The following ATP1A3 variants were observed in gnomAD, a reference collection of about 807,000 sequenced individuals.
ATP1A3 encodes sodium/potassium-transporting ATPase subunit alpha-3.
Under a neutral mutation model 108.8 loss-of-function variants are expected in ATP1A3, and 12 were observed. The ratio of observed to expected loss-of-function variants is 0.11; its 90% CI spans 0.07 to 0.18. ATP1A3 has a LOEUF of 0.18. ATP1A3 is among the 10% of genes least tolerant of loss of function. ATP1A3 has a pLI of 1.00. For missense variants in ATP1A3, 498 were observed against 1,387.7 expected, an observed-to-expected ratio of 0.36 and a Z score of 10.19; for synonymous variants, 539 against 564.5, an observed-to-expected ratio of 0.95 and a Z score of 0.64.
chr19:41,967,569 G>A lies in ATP1A3; in HGVS notation c.2921+93C>T. 1.5e-6 allele frequency: 2 copies of A among 1,371,348 alleles called. No individual in the cohort carries two copies. Among genetic ancestry groups the A allele is most frequent in the Non-Finnish European group, 1.0e-6 (1 of 980,676 alleles). The allele number at this position is 1,371,348 out of a possible 1,614,324, so 84.9% of individuals were successfully genotyped here. On this transcript the variant is annotated intron_variant, in intron 21 of 22. Transcript: ENST00000648268. This position sits in a 1 kb window ranked among gnomAD's most constrained non-coding sequence, Gnocchi z 4.2. ...AATGGGGACTGCAGTGGGGACACCAGGGGAGGTGGGGCCTGAGGTTCAGGC... is the reference window on the plus strand; with the variant it reads ...AATGGGGACTGCAGTGGGGACACCAAGGGAGGTGGGGCCTGAGGTTCAGGC...
In ATP1A3 at chr19:41,969,086, C is replaced by T. The variant is rs192186784; in HGVS notation, c.2689-171G>A. 1.4e-4 allele frequency among the ~76,000 whole-genome samples: 22 copies of T among 152,198 alleles called. No individual in the cohort carries two copies. In the South Asian group the frequency reaches 3.7e-3, roughly 26 times the overall value. On this transcript the variant is annotated intron_variant, in intron 19 of 22. Transcript: ENST00000648268. The stretch of plus-strand genomic sequence containing the variant: ...TAGTCCCGAGGGAGGAGTCAGGAGA[C>T]GTACAAGGAAGAAGAAAGGTTAATG...
Position 41,978,072 on chromosome 19 carries a change from C to T in ATP1A3, c.1807G>A (p.Val603Ile), listed in dbSNP as rs1555862017. ...VGKCRSAGIKVIMVTGDHPIT... is the reference protein window; with the variant it reads ...VGKCRSAGIKIIMVTGDHPIT... ...GGGTGATCGCCGGTGACCATGATGA[C>T]CTGCAGGCATTGTTTTTTAGGGATG... The change falls in exon 14 of 23, where the codon GTC becomes ATC. Residue 603 changes from valine (V) to isoleucine (I), a missense_variant and splice_region_variant. Val to Ile is a conservative substitution (Grantham distance 29). Transcript: ENST00000648268. This position sits in a 1 kb window ranked among gnomAD's most constrained non-coding sequence, Gnocchi z 8.3. 2 of 1,614,230 alleles carry T rather than the reference C, an allele frequency of 1.2e-6. No homozygotes were observed. Among genetic ancestry groups the T allele is most frequent in the South Asian group, 1.1e-5 (1 of 91,090 alleles).
At chr19:41,974,171 C>T (rs745367922) in intron 16 of ATP1A3, among the ~76,000 whole-genome samples, 7 of 152,062 alleles carry the variant, frequency 4.6e-5, no homozygotes, top group Non-Finnish European at 7.4e-5. Flanking sequence ...GTGGAGGCTA[C>T]AGTAAGCCGA....
At chr19:41,974,032 A>T (rs1273826519) in intron 16 of ATP1A3, among the ~76,000 whole-genome samples, 1 of 152,196 alleles carries the variant, frequency 6.6e-6, no homozygotes, top group East Asian at 1.9e-4. Flanking sequence ...GGAGATCAAG[A>T]CCAGCCTGGC....
At chr19:41,990,640 C>T (rs1257405339) in intron 1 of ATP1A3, among the ~76,000 whole-genome samples, 1 of 147,892 alleles carries the variant, frequency 6.8e-6, no homozygotes, top group Admixed American at 6.8e-5. Context: ...CTGGGCTCTC[C>T]TCAATCTCTC....
intron 16 of ATP1A3, among the ~76,000 whole-genome samples, chr19:41,973,162 G>C (rs1432904304): frequency 6.6e-6 from 1 of 152,216 alleles, no homozygotes; most frequent in Non-Finnish European, 1.5e-5. Context: ...GCCGTGCGCT[G>C]ACTGCCGCTG....
rs1555865434 is a variant in ATP1A3, at chr19:41,986,244, G to A, written c.358-15C>T. On this transcript the variant is annotated splice_polypyrimidine_tract_variant and intron_variant, in intron 4 of 22. Coordinates refer to ENST00000648268, the MANE Select transcript of ATP1A3 (RefSeq NM_152296.5). The stretch of plus-strand genomic sequence containing the variant: ...CCCAGGTACAGCTGTGGGGAGATGT[G>A]GGGATGTTGATCAGGGGCCGCCCAA... 1.2e-6 allele frequency: 2 copies of A among 1,613,158 alleles called. No individual in the cohort carries two copies. Among genetic ancestry groups the A allele is most frequent in the South Asian group, 1.1e-5 (1 of 91,036 alleles).
At position 41,969,600 on chromosome 19, in the gene ATP1A3, A is replaced by T. The variant is rs1555859325; in HGVS notation, c.2543-20T>A. ...TCATTCCTGGAAGGAGGAGAGAGGA[A>T]GCCGAGGAGAGGCTCAGATTGGGGC... On this transcript the variant is annotated intron_variant, in intron 18 of 22. Transcript: ENST00000648268. The T allele has an allele frequency of 6.2e-7, 1 of 1,612,910 alleles. No individual in the cohort carries two copies. Among genetic ancestry groups the T allele is most frequent in the Non-Finnish European group, 8.5e-7 (1 of 1,179,976 alleles).
At chr19:41,979,081 C>A (rs1332134107) in intron 11 of ATP1A3, among the ~76,000 whole-genome samples, 3 of 151,968 alleles carry the variant, frequency 2.0e-5, no homozygotes, top group African/African-American at 7.3e-5. Context: ...CAGCTCACTG[C>A]AACCTCCACC....
chr19:41,977,954 A>T lies in ATP1A3; in HGVS notation c.1925T>A (p.Val642Asp). 1 of 1,614,196 alleles carries T rather than the reference A, an allele frequency of 6.2e-7. No individual in the cohort carries two copies. The highest frequency in any genetic ancestry group is 8.5e-7 in the Non-Finnish European group (1 of 1,180,014). The change falls in exon 14 of 23, where the codon GTC becomes GAC. Residue 642 changes from valine (V) to aspartate (D), a missense_variant. Physicochemically the swap from Val to Asp is radical, Grantham distance 152. Around this residue, in one of 9 missense-constraint regions of ATP1A3, gnomAD observed 31 missense variants for 132.5 expected, o/e 0.23. Transcript: ENST00000648268. ...GGCTCACCGGGGGTTAACCTGGCTG[A>T]CGGGAATGTTGAGCCGGGCGGCGAT... Reference protein sequence around the residue: ...EDIAARLNIPVSQVNPRDAKA... With the variant: ...EDIAARLNIPDSQVNPRDAKA...
At position 41,967,632 on chromosome 19, in the gene ATP1A3, G is replaced by A. The variant is rs782159890; in HGVS notation, c.2921+30C>T. On this transcript the variant is annotated intron_variant, in intron 21 of 22. Transcript: ENST00000648268. The surrounding 1 kb of genome is among the most constrained non-coding windows in gnomAD (Gnocchi z 4.2). ...AAGGCTCCATGGCAGGCGCTGGTGTGGGCAGGGCTGGGGGCAGCGGGGCAC... is the reference window on the plus strand; with the variant it reads ...AAGGCTCCATGGCAGGCGCTGGTGTAGGCAGGGCTGGGGGCAGCGGGGCAC... 2 of 1,607,970 alleles carry A rather than the reference G, an allele frequency of 1.2e-6. No individual in the cohort carries two copies. Among genetic ancestry groups the A allele is most frequent in the African/African-American group, 2.7e-5 (2 of 74,816 alleles).
intron 15 of ATP1A3, 65 bp downstream of exon 15, chr19:41,976,350 GC>G: frequency 6.2e-7 from 1 of 1,601,626 alleles, no homozygotes; most frequent in Non-Finnish European, 8.5e-7. Context: ...AGGAAACCAG[GC>G]CCCGGCCTCA....
intron 14 of ATP1A3, 32 bp from the exon 15 acceptor site, chr19:41,976,598 T>A: frequency 6.2e-7 from 1 of 1,612,684 alleles, no homozygotes; most frequent in South Asian, 1.1e-5. Context: ...ATGGCTGAGG[T>A]CAGGGTGTGT....
intron 18 of ATP1A3, among the ~76,000 whole-genome samples, 180 bp downstream of exon 18, chr19:41,970,005 C>T (rs758581401): frequency 1.3e-5 from 2 of 151,998 alleles, no homozygotes; most frequent in Non-Finnish European, 2.9e-5. Context: ...ACATCAACAG[C>T]AGAGAGGAGG....
Position 41,978,010 on chromosome 19 carries a change from G to A in ATP1A3, c.1869C>T (p.Ile623=), listed in dbSNP as rs782182377. The change falls in exon 14 of 23, where the codon ATC becomes ATT. Residue 623 remains isoleucine, a synonymous_variant. Transcript: ENST00000648268. This position sits in a 1 kb window ranked among gnomAD's most constrained non-coding sequence, Gnocchi z 8.3. ...CCACAGTCTCGTTGCCCTCAGAGAT[G>A]ATGCCCACACCCTTGGCAATGGCCT... ...TAKAIAKGVG[I]ISEGNETVED... 1 of 1,614,256 alleles carries A rather than the reference G, an allele frequency of 6.2e-7. No homozygotes were observed. The highest frequency in any genetic ancestry group is 8.5e-7 in the Non-Finnish European group (1 of 1,180,040).
rs1288612131 is a variant in ATP1A3 at position 41,970,105 on chromosome 19, T to G, written c.2542+80A>C. ...CTGCTCCCCTGAGTCAATGCCAGGG[T>G]CCCAAGCACCCACGGTGGGCCAGGC... is the stretch of plus-strand genomic sequence containing the variant. On this transcript the variant is annotated intron_variant, in intron 18 of 22. Transcript: ENST00000648268. 2.5e-6 allele frequency: 4 copies of G among 1,611,346 alleles called. No homozygotes were observed. In the African/African-American group the frequency reaches 5.3e-5, roughly 22 times the overall value.
intron 15 of ATP1A3, 89 bp downstream of exon 15, chr19:41,976,327 C>T (rs1555861217): frequency 6.4e-7 from 1 of 1,563,534 alleles, no homozygotes; most frequent in Non-Finnish European, 8.7e-7. Flanking sequence ...CCAGCCCCTC[C>T]TCCCTCAGAC....
intron 11 of ATP1A3, among the ~76,000 whole-genome samples, chr19:41,980,836 G>A (rs1030363897): frequency 6.6e-6 from 1 of 151,798 alleles, no homozygotes; most frequent in East Asian, 1.9e-4. Flanking sequence ...GTGTGAACCC[G>A]GGAGGTGGAG....
intron 16 of ATP1A3, among the ~76,000 whole-genome samples, chr19:41,972,444 G>T (rs368482743): frequency 1.0e-3 from 157 of 151,626 alleles, no homozygotes; most frequent in African/African-American, 3.7e-3. Context: ...TAAGTAAAAA[G>T]ATTAGCCCAT....
Sources: gnomAD v4.1 joint callset for allele counts (sites outside exome capture counted in the v4.1 genomes callset) on GRCh38, gnomAD v4.1.1 for gene constraint, gnomAD v4.1.1 regional missense constraint, Gnocchi (gnomAD v3.1) non-coding constraint, MANE v1.5 for transcripts, NCBI Gene and HGNC (gene_info 2026-07-23, HGNC 2026-07-21) for gene names.